The following PPEF2 variants were observed in gnomAD, a reference collection of about 807,000 sequenced individuals.
The protein encoded by PPEF2 is serine/threonine-protein phosphatase with EF-hands 2.
PPEF2 carries 84 observed loss-of-function variants against 84.7 expected under a neutral mutation model. The ratio of observed to expected loss-of-function variants is 0.99; its 90% CI spans 0.83 to 1.19. PPEF2 has a LOEUF of 1.19. PPEF2 is among the 50% of genes most tolerant of loss of function. The pLI is 0.00. For missense variants in PPEF2, 924 were observed against 937.5 expected (o/e 0.99, Z 0.19); for synonymous variants, 346 against 345.2 (o/e 1.00, Z -0.03).
chr4:75,864,475 T>C lies in PPEF2; in HGVS notation c.1973A>G (p.Glu658Gly), dbSNP rs776872972. The C allele has an allele frequency of 1.2e-6, 2 of 1,612,766 alleles. No homozygotes were observed. The highest frequency in any genetic ancestry group is 1.7e-6 in the Non-Finnish European group (2 of 1,178,772). The change falls in exon 16 of 17, where the codon GAG becomes GGG. Residue 658 changes from glutamate (E) to glycine (G), a missense_variant. By Grantham distance (98) the Glu-to-Gly change is moderately conservative. Transcript: ENST00000286719. Reference protein sequence around the residue: ...ETLYRNRSNLETIFRIIDSDH... With the variant: ...ETLYRNRSNLGTIFRIIDSDH... ...ACTGTCTATGATCCTAAAAATGGTC[T>C]CTAGGTTGGATCGGTTTCGATACAA... is the stretch of plus-strand genomic sequence containing the variant.
At chr4:75,862,510 C>G (rs984091420) in intron 16 of PPEF2, among the ~76,000 whole-genome samples, 3 of 151,514 alleles carry the variant, frequency 2.0e-5, no homozygotes, top group Non-Finnish European at 4.4e-5. Context: ...GACATTTCTC[C>G]AAAAGAGATA....
At chr4:75,874,760 C>CATT (rs1256448186) in intron 11 of PPEF2, among the ~76,000 whole-genome samples, 1 of 152,304 alleles carries the variant, frequency 6.6e-6, no homozygotes, top group East Asian at 1.9e-4. Context: ...ACTGACAGAA[C>CATT]ATTAACTAAA....
At chr4:75,890,824 T>A (rs1440850650) in intron 4 of PPEF2, among the ~76,000 whole-genome samples, 2 of 152,310 alleles carry the variant, frequency 1.3e-5, no homozygotes, top group Non-Finnish European at 2.9e-5. Context: ...GCTGCCAGCA[T>A]TGGCATCTCC....
At chr4:75,864,382 G>A (rs1724077871) in intron 16 of PPEF2, 58 bp downstream of exon 16, 1 of 1,286,484 alleles carries the variant, frequency 7.8e-7, no homozygotes, top group South Asian at 1.2e-5. Flanking sequence ...GGAGATTAAG[G>A]GTTTAAGGTA....
intron 12 of PPEF2, among the ~76,000 whole-genome samples, chr4:75,872,691 A>C (rs997246798): frequency 3.9e-5 from 6 of 152,220 alleles, no homozygotes; most frequent in Non-Finnish European, 7.3e-5. Context: ...GAAGTCCTGC[A>C]ATAAAGAAAC....
At position 75,864,430 on chromosome 4, in the gene PPEF2, G is replaced by A. The variant is rs756900029; in HGVS notation, c.2008+10C>T. ...TGCTTCAAAAGTGATAGAATAATGA[G>A]TGCCTTTACCTGAATGATCACTGTC... On this transcript the variant is annotated intron_variant, in intron 16 of 16. Coordinates refer to ENST00000286719, the MANE Select transcript of PPEF2 (RefSeq NM_006239.3). 1.3e-5 allele frequency: 21 copies of A among 1,572,338 alleles called. No individual in the cohort carries two copies. The highest frequency in any genetic ancestry group is 1.8e-5 in the Non-Finnish European group (20 of 1,142,538).
rs1724738890 is a variant in PPEF2, at chr4:75,886,851, C to T, written c.579+1G>A. On this transcript the variant is annotated splice_donor_variant, in intron 7 of 16. Transcript: ENST00000286719. LOFTEE classifies it high-confidence loss of function. ...AAGCAACTTAATTTGAACATTCATA[C>T]CTTATAAAATATAAAGATTAAGTCA... 4.0e-6 allele frequency: 6 copies of T among 1,487,260 alleles called. No homozygotes were observed. Among genetic ancestry groups the T allele is most frequent in the African/African-American group, 1.4e-5 (1 of 70,594 alleles). The allele number at this position is 1,487,260 out of a possible 1,614,324, so 92.1% of individuals were successfully genotyped here. A position where few individuals can be genotyped will look rare whatever the true frequency, so the allele number is the denominator to read the frequency against.
intron 11 of PPEF2, 79 bp from the exon 12 acceptor site, chr4:75,873,391 G>C (rs1197079409): frequency 5.5e-6 from 7 of 1,282,316 alleles, no homozygotes; most frequent in African/African-American, 3.0e-5. Flanking sequence ...AAAGGAAGAG[G>C]AGGAGGAAAA....
intron 14 of PPEF2, among the ~76,000 whole-genome samples, chr4:75,866,981 T>A (rs1724146292): frequency 6.6e-6 from 1 of 152,174 alleles, no homozygotes; most frequent in South Asian, 2.1e-4. Flanking sequence ...AGACTCAGCT[T>A]CAACAACTCA....
Position 75,872,026 on chromosome 4 carries a change from T to C in PPEF2, c.1648A>G (p.Arg550Gly). 6.3e-7 allele frequency: 1 copy of C among 1,585,754 alleles called. No homozygotes were observed. The highest frequency in any genetic ancestry group is 2.2e-5 in the East Asian group (1 of 44,516). ...AAATCACTCATTGAAAAGTCTTGCCTTTGCCTCATGGTGAGTGTGTGGGTC... is the reference window on the plus strand; with the variant it reads ...AAATCACTCATTGAAAAGTCTTGCCCTTGCCTCATGGTGAGTGTGTGGGTC... ...KVTHTLTMRQ[R>G]ISRVEESALR... The change falls in exon 13 of 17, where the codon AGG (arginine) becomes GGG (glycine). Residue 550 changes from arginine (R) to glycine (G), a missense_variant and splice_region_variant. By Grantham distance (125) the Arg-to-Gly change is moderately radical (BLOSUM62 -2). Coordinates refer to ENST00000286719, the MANE Select transcript of PPEF2 (RefSeq NM_006239.3).
At chr4:75,883,987 G>C (rs955516290) in intron 8 of PPEF2, among the ~76,000 whole-genome samples, 1 of 151,618 alleles carries the variant, frequency 6.6e-6, no homozygotes, top group African/African-American at 2.4e-5. Flanking sequence ...AAAAAAATTA[G>C]CCGGGCGTGG....
chr4:75,862,274 C>T (rs1724023138), intron 16 of PPEF2, among the ~76,000 whole-genome samples: 1 of 140,282 alleles, frequency 7.1e-6, no homozygotes, highest in African/African-American at 2.7e-5. Flanking sequence ...GCCTAGGTGA[C>T]AGAGCGAGAC....
intron 7 of PPEF2, among the ~76,000 whole-genome samples, chr4:75,885,368 C>G (rs896580522): frequency 4.6e-5 from 7 of 152,090 alleles, no homozygotes; most frequent in African/African-American, 1.7e-4. Flanking sequence ...AGGCTGACCT[C>G]AAACTCCTGG....
intron 16 of PPEF2, among the ~76,000 whole-genome samples, chr4:75,862,450 A>G (rs1724029619): frequency 6.6e-6 from 1 of 152,164 alleles, no homozygotes. Context: ...CTTACAACTC[A>G]AATAAAAAGA....
chr4:75,888,313 A>G lies in PPEF2; in HGVS notation c.433T>C (p.Tyr145His), dbSNP rs1256843864. The G allele has an allele frequency of 1.2e-6, 2 of 1,613,572 alleles. No homozygotes were observed. Among genetic ancestry groups the G allele is most frequent in the African/African-American group, 1.3e-5 (1 of 74,912 alleles). The change falls in exon 6 of 17, where the codon TAC (tyrosine) becomes CAC (histidine). Residue 145 changes from tyrosine (Y) to histidine (H), a missense_variant. Transcript: ENST00000286719. ...FRLKQQLHAR[Y>H]VLNLLYETKK... ...GTTTCATACAAAAGGTTCAAGACGTAGCGAGCATGGAGCTGCTACTGGGAG... is the reference window on the plus strand; with the variant it reads ...GTTTCATACAAAAGGTTCAAGACGTGGCGAGCATGGAGCTGCTACTGGGAG...
chr4:75,886,382 C>T (rs1391971295), intron 7 of PPEF2, among the ~76,000 whole-genome samples: 1 of 152,124 alleles, frequency 6.6e-6, no homozygotes, highest in Non-Finnish European at 1.5e-5. Context: ...CGGGTGCGGC[C>T]GGAAAGGCGG....
At chr4:75,898,078 G>T (rs144798903) in intron 1 of PPEF2, among the ~76,000 whole-genome samples, 1 of 152,210 alleles carries the variant, frequency 6.6e-6, no homozygotes, top group Non-Finnish European at 1.5e-5. Context: ...AATAAGTTGG[G>T]CTAGTTAACT....
At chr4:75,891,606 C>A in intron 4 of PPEF2, 42 bp downstream of exon 4, 1 of 1,565,372 alleles carries the variant, frequency 6.4e-7, no homozygotes, top group Non-Finnish European at 8.6e-7. Flanking sequence ...TAATCTATGG[C>A]CTTGCGACAG....
intron 4 of PPEF2, among the ~76,000 whole-genome samples, chr4:75,891,082 T>A (rs952866761): frequency 6.6e-6 from 1 of 151,762 alleles, no homozygotes; most frequent in Non-Finnish European, 1.5e-5. Context: ...TACTTGGGTA[T>A]CTGAGGTTCA....
Sources: gnomAD v4.1 joint callset for allele counts (sites outside exome capture counted in the v4.1 genomes callset) on GRCh38, gnomAD v4.1.1 for gene constraint, MANE v1.5 for transcripts, NCBI Gene and HGNC (gene_info 2026-07-23, HGNC 2026-07-21) for gene names.